RGPD2: variants seen among roughly 807,000 people sequenced by gnomAD.
RGPD2 encodes the protein RANBP2-like and GRIP domain-containing protein 2.
A neutral mutation model predicts 36.0 loss-of-function variants in RGPD2; 2 were observed. That is an observed-to-expected ratio of 0.06 (90% CI 0.02 to 0.17). The LOEUF (loss-of-function observed/expected upper bound fraction) is 0.17. Among genes scored for constraint, RGPD2 ranks in the 10% least tolerant of loss-of-function variants. The probability of loss-of-function intolerance (pLI) is 1.00; values close to 1 mark genes in which losing one functional copy is unlikely to be tolerated. For missense variants in RGPD2, 40 were observed against 464.3 expected, an observed-to-expected ratio of 0.09 and a Z score of 8.40; for synonymous variants, 19 against 163.8, an observed-to-expected ratio of 0.12 and a Z score of 6.75.
chr2:87,875,712 T>C, the RGPD2 span, among the ~76,000 whole-genome samples: 2 of 152,290 alleles, frequency 1.3e-5, no homozygotes, highest in South Asian at 2.1e-4. Flanking sequence ...CAGGTTTTGG[T>C]ATCAGGATGA....
the RGPD2 span, among the ~76,000 whole-genome samples, chr2:87,897,678 A>G: frequency 2.0e-5 from 3 of 149,792 alleles, no homozygotes; most frequent in African/African-American, 7.4e-5. Flanking sequence ...CCCTGTGCCC[A>G]TGTGTTCTCA....
At chr2:87,834,380 G>C in the RGPD2 span, among the ~76,000 whole-genome samples, 2 of 152,062 alleles carry the variant, frequency 1.3e-5, no homozygotes, top group South Asian at 4.1e-4. Flanking sequence ...AAATATGCAA[G>C]GCCTCAGCCT....
chr2:87,856,940 T>C, the RGPD2 span, among the ~76,000 whole-genome samples: 1 of 152,086 alleles, frequency 6.6e-6, no homozygotes, highest in African/African-American at 2.4e-5. Flanking sequence ...ATGTTTATAC[T>C]ATCTGTTAGC....
intron 22 of RGPD2, chr2:87,767,012 A>AT (rs1387574206): frequency 2.0e-5 from 3 of 151,672 alleles, no homozygotes; most frequent in Admixed American, 6.6e-5. Flanking sequence ...GTAATCTATC[A>AT]TTTTTGCTGT....
At chr2:87,769,968 A>G (rs1176692614) in intron 22 of RGPD2, among the ~76,000 whole-genome samples, 2 of 150,718 alleles carry the variant, frequency 1.3e-5, no homozygotes, top group East Asian at 3.9e-4. Context: ...TATTGTGGCT[A>G]TAGAAACCTA....
the RGPD2 span, among the ~76,000 whole-genome samples, chr2:87,863,414 T>G: frequency 6.7e-6 from 1 of 148,612 alleles, no homozygotes; most frequent in East Asian, 1.9e-4. Context: ...GACTGTGCAC[T>G]GTAATTAAGA....
At chr2:87,987,815 C>G in the RGPD2 span, among the ~76,000 whole-genome samples, 2 of 62,708 alleles carry the variant, frequency 3.2e-5, no homozygotes, top group Non-Finnish European at 6.4e-5. Context: ...TGTGAGAACC[C>G]TTTGCAGGTA....
the RGPD2 span, among the ~76,000 whole-genome samples, chr2:87,989,392 T>A: frequency 1.3e-5 from 2 of 151,334 alleles, no homozygotes; most frequent in African/African-American, 4.9e-5. Context: ...CTAATCTTTA[T>A]ACAGTGAGTC....
At chr2:87,966,594 T>C in the RGPD2 span, among the ~76,000 whole-genome samples, 1 of 152,174 alleles carries the variant, frequency 6.6e-6, no homozygotes, top group South Asian at 2.1e-4. Flanking sequence ...TAAAATAAAA[T>C]GGAGAATTTC....
At chr2:87,976,477 G>A in the RGPD2 span, among the ~76,000 whole-genome samples, 4 of 151,798 alleles carry the variant, frequency 2.6e-5, no homozygotes, top group Middle Eastern at 3.4e-3. Flanking sequence ...ACTACTCAAG[G>A]ATTAAAGCCC....
chr2:87,878,954 T>C, the RGPD2 span, among the ~76,000 whole-genome samples: 7 of 152,128 alleles, frequency 4.6e-5, no homozygotes, highest in African/African-American at 1.4e-4. Flanking sequence ...CAATTATATG[T>C]AGTACTTTAC....
At chr2:87,964,575 C>T in the RGPD2 span, among the ~76,000 whole-genome samples, 1 of 152,104 alleles carries the variant, frequency 6.6e-6, no homozygotes, top group Non-Finnish European at 1.5e-5. Flanking sequence ...ACACTGCCGC[C>T]CAGGCTGGAG....
At chr2:87,952,739 G>A in the RGPD2 span, among the ~76,000 whole-genome samples, 73 of 152,268 alleles carry the variant, frequency 4.8e-4, no homozygotes, top group African/African-American at 1.5e-3. Flanking sequence ...AATTTACACC[G>A]AAATTTCAAC....
chr2:87,918,069 A>T, the RGPD2 span, among the ~76,000 whole-genome samples: 1 of 117,388 alleles, frequency 8.5e-6, no homozygotes, highest in Non-Finnish European at 1.7e-5. Flanking sequence ...AAGTGATGCT[A>T]AACACCCACA....
chr2:87,974,013 G>T, the RGPD2 span, among the ~76,000 whole-genome samples: 12 of 152,156 alleles, frequency 7.9e-5, no homozygotes, highest in Admixed American at 1.3e-4. Context: ...CTGAAGCAGG[G>T]TCACTGTGTT....
At chr2:87,915,317 T>C in the RGPD2 span, among the ~76,000 whole-genome samples, 1 of 123,144 alleles carries the variant, frequency 8.1e-6, no homozygotes, top group Non-Finnish European at 1.6e-5. Context: ...TATATATATG[T>C]ATATTATATA....
the RGPD2 span, among the ~76,000 whole-genome samples, chr2:87,830,966 T>C: frequency 6.6e-6 from 1 of 152,178 alleles, no homozygotes; most frequent in East Asian, 1.9e-4. Flanking sequence ...GAAAAAGACC[T>C]ACAGCACATT....
chr2:87,807,411 G>A (rs970172337), intron 6 of RGPD2, among the ~76,000 whole-genome samples: 1 of 117,746 alleles, frequency 8.5e-6, no homozygotes, highest in African/African-American at 3.3e-5. Context: ...TTTTGAGACA[G>A]AGTCTCTCAC....
chr2:87,935,823 CG>C, the RGPD2 span, among the ~76,000 whole-genome samples: 1 of 109,598 alleles, frequency 9.1e-6, no homozygotes, highest in South Asian at 3.3e-4. Context: ...TAGGAAACAT[CG>C]GATTTAATGC....
Sources: gnomAD v4.1 joint callset for allele counts (sites outside exome capture counted in the v4.1 genomes callset) on GRCh38, gnomAD v4.1.1 for gene constraint, MANE v1.5 for transcripts, NCBI Gene and HGNC (gene_info 2026-07-23, HGNC 2026-07-21) for gene names.